Variants in PLPP7 observed in about 807,000 individuals in gnomAD.
PLPP7 encodes the protein inactive phospholipid phosphatase 7.
A neutral mutation model predicts 16.9 loss-of-function variants in PLPP7; 11 were observed. The observed-to-expected ratio is 0.65, with a 90% confidence interval of 0.41 to 1.08. PLPP7 has a LOEUF of 1.08. Ranked by LOEUF, PLPP7 falls within the 50% of genes least tolerant of loss-of-function variation. PLPP7 has a pLI of 0.00. For synonymous variants in PLPP7, 174 were observed against 175.1 expected (o/e 0.99, Z 0.05); for missense variants, 358 against 397.1 (o/e 0.90, Z 0.84).
At chr9:131,296,138 A>G (rs964750055) in intron 1 of PLPP7, among the ~76,000 whole-genome samples, 1 of 152,194 alleles carries the variant, frequency 6.6e-6, no homozygotes, top group African/African-American at 2.4e-5. Context: ...AAGGGCTCCC[A>G]TATATCCACA....
intron 1 of PLPP7, chr9:131,291,521 A>T: frequency 9.4e-5 from 36 of 384,402 alleles, no homozygotes; most frequent in Middle Eastern, 1.4e-3. Context: ...CATGCAGGAG[A>T]TGGCTGGGTC....
chr9:131,290,067 T>G lies in PLPP7; in HGVS notation c.70T>G (p.Ser24Ala). Residue 24 changes from serine (S) to alanine (A), a missense_variant, in exon 1 of 2, where the codon TCC (serine) becomes GCC (alanine). Coordinates refer to ENST00000372264, the MANE Select transcript of PLPP7 (RefSeq NM_032728.4). This position sits in a 1 kb window ranked among gnomAD's most constrained non-coding sequence, Gnocchi z 4.2. ...NNVLNRAEFLSLNQPPKGGPE... is the reference protein window; with the variant it reads ...NNVLNRAEFLALNQPPKGGPE... ...CGTCCTCAACCGGGCTGAGTTCCTG[T>G]CCCTGAACCAGCCCCCCAAGGGGGG... The G allele has an allele frequency of 6.7e-7, 1 of 1,489,228 alleles. No individual in the cohort carries two copies. Among genetic ancestry groups the G allele is most frequent in the Non-Finnish European group, 8.9e-7 (1 of 1,123,178 alleles). 92.3% of individuals were successfully genotyped at this position (1,489,228 alleles called of 1,614,324 possible).
intron 1 of PLPP7, among the ~76,000 whole-genome samples, chr9:131,294,217 A>G (rs541375155): frequency 1.6e-3 from 248 of 152,136 alleles, no homozygotes; most frequent in Middle Eastern, 3.4e-3. Flanking sequence ...ACCTGAGTGC[A>G]AATCCCAGCC....
intron 1 of PLPP7, among the ~76,000 whole-genome samples, chr9:131,300,356 T>A (rs1372429599): frequency 6.6e-6 from 1 of 152,216 alleles, no homozygotes; most frequent in African/African-American, 2.4e-5. Context: ...CGAGTCTGTA[T>A]GCTTTCATCG....
rs943430552 is a variant in PLPP7, at chr9:131,290,206, G to A, written c.209G>A (p.Cys70Tyr). 1.2e-6 allele frequency: 2 copies of A among 1,602,818 alleles called. No individual in the cohort carries two copies. Among genetic ancestry groups the A allele is most frequent in the African/African-American group, 1.3e-5 (1 of 74,748 alleles). The change falls in exon 1 of 2, where the codon TGC (cysteine) becomes TAC (tyrosine). Residue 70 changes from cysteine to tyrosine, a missense_variant. Coordinates refer to ENST00000372264, the MANE Select transcript of PLPP7 (RefSeq NM_032728.4). This position sits in a 1 kb window ranked among gnomAD's most constrained non-coding sequence, Gnocchi z 4.2. ...TCACAGCAGCTGCCAGAGGAGGACT[G>A]CATGCAGCTGAACCCCTCCTTCAAG... ...RQSQQLPEED[C>Y]MQLNPSFKGI...
chr9:131,308,410 C>A lies in PLPP7; in HGVS notation c.*123C>A. The A allele has an allele frequency of 1.2e-5, 17 of 1,402,344 alleles. No individual in the cohort carries two copies. The highest frequency in any genetic ancestry group is 1.6e-5 in the Non-Finnish European group (17 of 1,068,472). 86.9% of individuals were successfully genotyped at this position (1,402,344 alleles called of 1,614,324 possible). Reference sequence around the variant, plus strand: ...CAGGAGTCAGAGCGGCCACCCCCACCTCATCTTCCCCTCCTGGCTGGAGGC... The same window carrying A: ...CAGGAGTCAGAGCGGCCACCCCCACATCATCTTCCCCTCCTGGCTGGAGGC... On this transcript the variant is annotated 3_prime_UTR_variant, in exon 2 of 2. Coordinates refer to ENST00000372264, the MANE Select transcript of PLPP7 (RefSeq NM_032728.4).
rs774170989 is a variant in PLPP7 at position 131,290,103 on chromosome 9, C to T, written c.106C>T (p.Arg36Cys). The stretch of plus-strand genomic sequence containing the variant: ...GCCCCCCAAGGGGGGCCCGGAGCCC[C>T]GCAGCTCGGGCAGAAAGGCCTCGGG... Reference protein sequence around the residue: ...NQPPKGGPEPRSSGRKASGPS... With the variant: ...NQPPKGGPEPCSSGRKASGPS... Residue 36 changes from arginine to cysteine, a missense_variant, in exon 1 of 2, where the codon CGC becomes TGC. By Grantham distance (180) the Arg-to-Cys change is radical (BLOSUM62 -3). Coordinates refer to ENST00000372264, the MANE Select transcript of PLPP7 (RefSeq NM_032728.4). The surrounding 1 kb of genome is among the most constrained non-coding windows in gnomAD (Gnocchi z 4.2). 5.9e-6 allele frequency: 9 copies of T among 1,527,290 alleles called. No homozygotes were observed. The highest frequency in any genetic ancestry group is 2.8e-5 in the African/African-American group (2 of 71,728). 94.6% of individuals were successfully genotyped at this position (1,527,290 alleles called of 1,614,324 possible).
chr9:131,301,467 GCCACCAGTCACCAA>G (rs908456924), intron 1 of PLPP7, among the ~76,000 whole-genome samples: 37 of 152,198 alleles, frequency 2.4e-4, no homozygotes, highest in Admixed American at 2.4e-3. Context: ...ACCCTGGCTG[GCCACCAGTCACCAA>G]CCACCACCAC....
At chr9:131,299,294 G>A (rs559714692) in intron 1 of PLPP7, among the ~76,000 whole-genome samples, 35 of 152,246 alleles carry the variant, frequency 2.3e-4, no homozygotes, top group African/African-American at 6.7e-4. Context: ...CCAGCTCCCC[G>A]GCTCTTGCCC....
intron 1 of PLPP7, among the ~76,000 whole-genome samples, chr9:131,299,193 C>T (rs1835768587): frequency 8.0e-6 from 1 of 124,708 alleles, no homozygotes; most frequent in Non-Finnish European, 1.8e-5. Context: ...CCTGAGTGCG[C>T]CCTGGGTGAT....
chr9:131,304,056 C>T (rs541462087), intron 1 of PLPP7, among the ~76,000 whole-genome samples: 110 of 152,212 alleles, frequency 7.2e-4, no homozygotes, highest in Middle Eastern at 6.8e-3. Flanking sequence ...GGCTCCCTGC[C>T]GACTCTGTAC....
chr9:131,303,250 TGAACCTGG>T (rs538106860), intron 1 of PLPP7, among the ~76,000 whole-genome samples: 76 of 151,274 alleles, frequency 5.0e-4, no homozygotes, highest in Non-Finnish European at 8.4e-4. Context: ...GAGAATCGCT[TGAACCTGG>T]GAAGCGGAGG....
rs1349717335 is a variant in PLPP7 at position 131,290,035 on chromosome 9, G to T, written c.38G>T (p.Arg13Leu). ...CAGAGCCGGGCCCGTGCCCGGGACCGCAACAACGTCCTCAACCGGGCTGAG... is the reference window on the plus strand; with the variant it reads ...CAGAGCCGGGCCCGTGCCCGGGACCTCAACAACGTCCTCAACCGGGCTGAG... ...ASQSRARARD[R>L]NNVLNRAEFL... The change falls in exon 1 of 2, where the codon CGC (arginine) becomes CTC (leucine). Residue 13 changes from arginine (R) to leucine (L), a missense_variant. Transcript: ENST00000372264. This position sits in a 1 kb window ranked among gnomAD's most constrained non-coding sequence, Gnocchi z 4.2. The T allele has an allele frequency of 1.4e-6, 2 of 1,442,134 alleles. No individual in the cohort carries two copies. The highest frequency in any genetic ancestry group is 1.8e-6 in the Non-Finnish European group (2 of 1,100,930). The allele number at this position is 1,442,134 out of a possible 1,614,324, so 89.3% of individuals were successfully genotyped here. A position where few individuals can be genotyped will look rare whatever the true frequency, so the allele number is the denominator to read the frequency against.
In PLPP7 at chr9:131,290,762, G is replaced by C. The variant is rs1254980221; in HGVS notation, c.451+314G>C. ...CTTGAAGGGAGGCTGGGCCAGAGGC[G>C]GTGGCCTCAAGGGAGACGGTCAGGG... On this transcript the variant is annotated intron_variant, in intron 1 of 1. Transcript: ENST00000372264. This position sits in a 1 kb window ranked among gnomAD's most constrained non-coding sequence, Gnocchi z 4.2. Among the ~76,000 whole-genome samples, 1 of 152,188 alleles carries C rather than the reference G, an allele frequency of 6.6e-6. No individual in the cohort carries two copies. Among genetic ancestry groups the C allele is most frequent in the Non-Finnish European group, 1.5e-5 (1 of 68,028 alleles).
chr9:131,291,338 A>G, intron 1 of PLPP7: 2 of 1,189,174 alleles, frequency 1.7e-6, no homozygotes. Context: ...GTCTCAGGCA[A>G]GGCAAACATT....
At chr9:131,293,453 C>T (rs1364788663) in intron 1 of PLPP7, among the ~76,000 whole-genome samples, 1 of 152,208 alleles carries the variant, frequency 6.6e-6, no homozygotes, top group African/African-American at 2.4e-5. Flanking sequence ...CCAGCCCAGA[C>T]CTCGGCTTGG....
At chr9:131,302,863 CCTCCAGGGAGGACTG>C (rs1352153139) in intron 1 of PLPP7, among the ~76,000 whole-genome samples, 1 of 152,170 alleles carries the variant, frequency 6.6e-6, no homozygotes, top group Non-Finnish European at 1.5e-5. Flanking sequence ...AAGTTCTAGT[CCTCCAGGGAGGACTG>C]CGTGATCTGG....
chr9:131,292,317 TCTTC>T (rs1213742970), intron 1 of PLPP7, among the ~76,000 whole-genome samples: 4 of 152,224 alleles, frequency 2.6e-5, no homozygotes, highest in African/African-American at 9.6e-5. Flanking sequence ...TGACCCCATC[TCTTC>T]CTTCCCACCT....
chr9:131,302,668 A>G (rs1455571303), intron 1 of PLPP7, among the ~76,000 whole-genome samples: 1 of 152,228 alleles, frequency 6.6e-6, no homozygotes, highest in Non-Finnish European at 1.5e-5. Context: ...TCCTTGGGCC[A>G]GCCAGCTCCT....
Sources: allele counts gnomAD v4.1 joint callset (sites outside exome capture counted in the v4.1 genomes callset), GRCh38; gene constraint gnomAD v4.1.1; non-coding constraint Gnocchi (gnomAD v3.1); transcripts MANE v1.5; gene names NCBI Gene and HGNC (gene_info 2026-07-23, HGNC 2026-07-21).